Variants in CACNA2D1 observed in about 807,000 individuals in gnomAD.
The protein encoded by CACNA2D1 is calcium voltage-gated channel auxiliary subunit alpha2delta 1.
CACNA2D1 carries 53 observed loss-of-function variants against 171.5 expected under a neutral mutation model. The observed-to-expected ratio is 0.31, with a 90% CI of 0.25 to 0.39. The LOEUF is 0.39. Among genes scored for constraint, CACNA2D1 ranks in the 10% least tolerant of loss-of-function variants. The probability of loss-of-function intolerance (pLI) is 1.00; values close to 1 mark genes in which losing one functional copy is unlikely to be tolerated. For synonymous variants in CACNA2D1, 442 were observed against 443.1 expected (o/e 1.00, Z 0.03); for missense variants, 903 against 1,299.8 (o/e 0.69, Z 4.69).
intron 1 of CACNA2D1, among the ~76,000 whole-genome samples, chr7:82,372,191 A>G (rs1822490916): frequency 6.6e-6 from 1 of 152,198 alleles, no homozygotes; most frequent in African/African-American, 2.4e-5. Context: ...TGAAGCTTAA[A>G]AACTGTAGAT....
At chr7:82,063,599 T>C (rs1315139868) in intron 9 of CACNA2D1, among the ~76,000 whole-genome samples, 1 of 151,986 alleles carries the variant, frequency 6.6e-6, no homozygotes, top group African/African-American at 2.4e-5. Context: ...GAGCATTTCT[T>C]CTCTTGAGGA....
chr7:82,428,077 G>T (rs1300685920), intron 1 of CACNA2D1, among the ~76,000 whole-genome samples: 2 of 150,312 alleles, frequency 1.3e-5, no homozygotes, highest in Admixed American at 1.3e-4. Context: ...AACAGAGCAA[G>T]ATCTTGTCTT....
At chr7:82,260,799 A>C (rs1806972685) in intron 3 of CACNA2D1, among the ~76,000 whole-genome samples, 3 of 152,222 alleles carry the variant, frequency 2.0e-5, no homozygotes, top group African/African-American at 7.2e-5. Context: ...GGGGAATATT[A>C]GTTCCAAAAG....
chr7:82,177,027 T>C (rs1257855869), intron 3 of CACNA2D1, among the ~76,000 whole-genome samples: 2 of 144,128 alleles, frequency 1.4e-5, no homozygotes, highest in African/African-American at 5.2e-5. Flanking sequence ...ATCCTAAAAA[T>C]AGTGTCATTA....
At chr7:82,005,393 C>T in intron 18 of CACNA2D1, 30 bp downstream of exon 18, 1 of 1,290,202 alleles carries the variant, frequency 7.8e-7, no homozygotes, top group Non-Finnish European at 1.1e-6. Flanking sequence ...CTACAAAACA[C>T]TAATCACTGT....
At chr7:82,050,297 C>T (rs1358408756) in intron 10 of CACNA2D1, 3 of 356,648 alleles carry the variant, frequency 8.4e-6, no homozygotes, top group Non-Finnish European at 1.5e-5. Context: ...AAGCCTCCTA[C>T]AGTGTCATAG....
At chr7:82,341,873 G>A (rs139333104) in intron 2 of CACNA2D1, among the ~76,000 whole-genome samples, 5,668 of 139,216 alleles carry the variant, frequency 0.041, 212 homozygotes, top group Admixed American at 0.12. Flanking sequence ...CAGTGAAACC[G>A]CGTCTCTACT....
At chr7:82,134,208 T>A (rs1451997744) in intron 5 of CACNA2D1, among the ~76,000 whole-genome samples, 1 of 152,220 alleles carries the variant, frequency 6.6e-6, no homozygotes, top group East Asian at 1.9e-4. Context: ...TTTTGACTAT[T>A]AAATTCTATA....
Position 82,017,641 on chromosome 7 carries a change from C to G in CACNA2D1, c.1144-3162G>C, listed in dbSNP as rs182163101. ...TTTTTACTTCTTTAAACTTACAGTT[C>G]TTGTTTAACCTTAATTTTGGAGTTA... is the stretch of plus-strand genomic sequence containing the variant. On this transcript the variant is annotated intron_variant, in intron 12 of 38. Transcript: ENST00000356860. 4.0e-5 allele frequency among the ~76,000 whole-genome samples: 6 copies of G among 151,608 alleles called. No individual in the cohort carries two copies. In the East Asian group the frequency reaches 9.7e-4, roughly 24 times the overall value.
At chr7:82,275,333 C>T (rs1321475737) in intron 3 of CACNA2D1, among the ~76,000 whole-genome samples, 1 of 152,172 alleles carries the variant, frequency 6.6e-6, no homozygotes, top group East Asian at 1.9e-4. Flanking sequence ...CTGTTTATAA[C>T]TCCTTTTTAA....
intron 19 of CACNA2D1, among the ~76,000 whole-genome samples, chr7:81,996,488 C>A (rs918007910): frequency 3.3e-5 from 5 of 151,770 alleles, no homozygotes; most frequent in Non-Finnish European, 5.9e-5. Context: ...AATGCAAGAG[C>A]CAAGTTCTGC....
intron 3 of CACNA2D1, among the ~76,000 whole-genome samples, chr7:82,198,720 G>C (rs1799098589): frequency 6.7e-6 from 1 of 149,440 alleles, no homozygotes; most frequent in African/African-American, 2.5e-5. Context: ...TCCCATCAAA[G>C]AAAGCAAAGG....
intron 3 of CACNA2D1, among the ~76,000 whole-genome samples, chr7:82,285,811 G>A (rs1366568234): frequency 6.6e-6 from 1 of 152,144 alleles, no homozygotes; most frequent in East Asian, 1.9e-4. Flanking sequence ...AGGTTATGAA[G>A]ACTCTTTCCT....
chr7:82,060,769 T>C (rs1177920075), intron 9 of CACNA2D1, among the ~76,000 whole-genome samples: 1 of 152,054 alleles, frequency 6.6e-6, no homozygotes, highest in Non-Finnish European at 1.5e-5. Context: ...ATTATCAAAA[T>C]TACATGTTAA....
At chr7:82,259,963 C>G (rs1285183532) in intron 3 of CACNA2D1, among the ~76,000 whole-genome samples, 1 of 152,150 alleles carries the variant, frequency 6.6e-6, no homozygotes, top group East Asian at 1.9e-4. Flanking sequence ...TGGCTCATGC[C>G]TATAATCCCA....
In CACNA2D1 at chr7:82,167,552, C is replaced by A. The variant is rs528957752; in HGVS notation, c.354+2998G>T. ...TATTCTCCAAGCACAAAAACGACCA[C>A]TATCTAAACCTTCTATCACTCTATG... On this transcript the variant is annotated intron_variant, in intron 4 of 38. Coordinates refer to ENST00000356860, the MANE Select transcript of CACNA2D1 (RefSeq NM_000722.4). 2.3e-3 allele frequency among the ~76,000 whole-genome samples: 356 copies of A among 152,208 alleles called. 3 individuals are homozygous for A. Among genetic ancestry groups the A allele is most frequent in the African/African-American group, 8.2e-3 (341 of 41,552 alleles).
chr7:81,985,581 G>A (rs1055350280), intron 21 of CACNA2D1, among the ~76,000 whole-genome samples: 16 of 152,100 alleles, frequency 1.1e-4, no homozygotes, highest in African/African-American at 1.7e-4. Context: ...AAGTTCTCTA[G>A]TACTAGTCTA....
intron 4 of CACNA2D1, among the ~76,000 whole-genome samples, chr7:82,139,264 T>C (rs1384997425): frequency 1.3e-5 from 2 of 152,138 alleles, no homozygotes; most frequent in Non-Finnish European, 2.9e-5. Context: ...TATAAATAAA[T>C]AATCATCAAG....
At chr7:82,184,001 T>C (rs746818847) in intron 3 of CACNA2D1, among the ~76,000 whole-genome samples, 2 of 152,122 alleles carry the variant, frequency 1.3e-5, no homozygotes, top group African/African-American at 2.4e-5. Flanking sequence ...CTTGTTATAT[T>C]AATTTCCTTT....
Sources: allele counts gnomAD v4.1 joint callset (sites outside exome capture counted in the v4.1 genomes callset), GRCh38; gene constraint gnomAD v4.1.1; transcripts MANE v1.5; gene names NCBI Gene and HGNC (gene_info 2026-07-23, HGNC 2026-07-21).